SPHKAP: variants seen among roughly 807,000 people sequenced by gnomAD.
SPHKAP encodes the protein A-kinase anchor protein SPHKAP.
In SPHKAP, 67 loss-of-function variants were observed where a neutral mutation model predicts 137.5. That is an observed-to-expected ratio of 0.49 (90% CI 0.40 to 0.60). SPHKAP has a LOEUF of 0.60. SPHKAP is among the 20% of genes least tolerant of loss of function. The pLI, the probability that SPHKAP is intolerant of heterozygous loss-of-function variation, is 0.00. For synonymous variants in SPHKAP, 813 were observed against 785.3 expected, an observed-to-expected ratio of 1.04 and a Z score of -0.59; for missense variants, 2,097 against 2,069.3, an observed-to-expected ratio of 1.01 and a Z score of -0.26.
intron 3 of SPHKAP, among the ~76,000 whole-genome samples, chr2:228,090,983 T>C (rs188693675): frequency 1.6e-4 from 25 of 152,290 alleles, no homozygotes; most frequent in African/African-American, 5.8e-4. Flanking sequence ...GACTAATACA[T>C]ATGGCAGCTG....
At chr2:228,143,047 T>C (rs529346898) in intron 1 of SPHKAP, among the ~76,000 whole-genome samples, 1 of 152,186 alleles carries the variant, frequency 6.6e-6, no homozygotes, top group Admixed American at 6.5e-5. Flanking sequence ...GATATTCAAT[T>C]TGTTATTCTT....
intron 7 of SPHKAP, among the ~76,000 whole-genome samples, chr2:228,014,398 A>G (rs1694489022): frequency 1.3e-5 from 2 of 152,190 alleles, no homozygotes; most frequent in South Asian, 2.1e-4. Context: ...TAATTCTCCA[A>G]ACGACCTAGA....
Position 228,027,427 on chromosome 2 carries a change from AT to A in SPHKAP, c.306+56del. The A allele has an allele frequency of 2.6e-6, 4 of 1,549,042 alleles. No homozygotes were observed. In the Admixed American group the frequency reaches 6.9e-5, roughly 27 times the overall value. ...AAAATGAGCATTATTTACAGATGAA[AT>A]CAAGTTGAATAGTCCTTGTAATGAC... On this transcript the variant is annotated intron_variant, in intron 4 of 11. Transcript: ENST00000392056.
chr2:227,985,192 T>C (rs1037300544), intron 11 of SPHKAP, among the ~76,000 whole-genome samples: 1 of 152,104 alleles, frequency 6.6e-6, no homozygotes, highest in Non-Finnish European at 1.5e-5. Context: ...CTGGAATCTG[T>C]CATAATTTCT....
intron 3 of SPHKAP, among the ~76,000 whole-genome samples, chr2:228,108,422 G>A (rs1698410327): frequency 6.6e-6 from 1 of 151,940 alleles, no homozygotes; most frequent in African/African-American, 2.4e-5. Context: ...TTCAAATAAT[G>A]ACTGTAACAT....
intron 3 of SPHKAP, among the ~76,000 whole-genome samples, chr2:228,108,397 G>GT (rs138790654): frequency 6.6e-6 from 1 of 151,932 alleles, no homozygotes; most frequent in Admixed American, 6.6e-5. Context: ...AGGTTGAAAA[G>GT]TTTTTTTCAA....
intron 1 of SPHKAP, among the ~76,000 whole-genome samples, chr2:228,175,456 G>A (rs748177592): frequency 1.3e-5 from 2 of 152,154 alleles, no homozygotes; most frequent in Non-Finnish European, 2.9e-5. Context: ...CACACTGGAT[G>A]TGAAGTGGTA....
intron 3 of SPHKAP, among the ~76,000 whole-genome samples, chr2:228,048,387 C>A (rs1370911219): frequency 6.6e-6 from 1 of 152,042 alleles, no homozygotes; most frequent in African/African-American, 2.4e-5. Context: ...TACCATTACC[C>A]TTTTCCTCTT....
chr2:228,108,984 C>G (rs532773684), intron 2 of SPHKAP, 45 bp from the exon 3 acceptor site: 1 of 1,254,080 alleles, frequency 8.0e-7, no homozygotes, highest in Non-Finnish European at 1.1e-6. Context: ...GCAATCCTTT[C>G]TATCTAAACA....
chr2:228,020,863 A>G (rs1694816120), intron 6 of SPHKAP, among the ~76,000 whole-genome samples: 1 of 152,212 alleles, frequency 6.6e-6, no homozygotes. Flanking sequence ...ATGGCTTTCC[A>G]TATGGGATAC....
At chr2:228,005,297 A>C (rs1330021766) in intron 7 of SPHKAP, among the ~76,000 whole-genome samples, 2 of 152,014 alleles carry the variant, frequency 1.3e-5, no homozygotes, top group Admixed American at 1.3e-4. Context: ...TGATCCCTTT[A>C]CCATTATGTA....
At chr2:227,990,351 G>T (rs536544842) in intron 11 of SPHKAP, among the ~76,000 whole-genome samples, 21 of 152,296 alleles carry the variant, frequency 1.4e-4, no homozygotes, top group African/African-American at 4.3e-4. Flanking sequence ...CTTTTAAAAC[G>T]AGTCTACTTT....
Position 227,995,555 on chromosome 2 carries a change from G to A in SPHKAP, c.4588C>T (p.Pro1530Ser), listed in dbSNP as rs1417909675. 2 of 1,613,918 alleles carry A rather than the reference G, an allele frequency of 1.2e-6. No homozygotes were observed. Among genetic ancestry groups the A allele is most frequent in the Non-Finnish European group, 1.7e-6 (2 of 1,180,018 alleles). Residue 1530 changes from proline (P) to serine (S), a missense_variant, in exon 8 of 12, where the codon CCA (proline) becomes TCA (serine). Physicochemically the swap from Pro to Ser is moderately conservative, Grantham distance 74. Transcript: ENST00000392056. The stretch of plus-strand genomic sequence containing the variant: ...TGGAGAAAGCTACTTGTGTCATCTG[G>A]GTTGTCTTCCTCATTGGCAAGCTGG... ...WTQLANEEDN[P>S]DDTSSFLQLS...
chr2:228,016,270 T>G (rs1334304604), intron 7 of SPHKAP, 136 bp downstream of exon 7: 1 of 200,358 alleles, frequency 5.0e-6, no homozygotes, highest in South Asian at 1.5e-4. Context: ...CATTAACTCA[T>G]TTTTTTTTTT....
chr2:228,052,143 A>C (rs188465623), intron 3 of SPHKAP, among the ~76,000 whole-genome samples: 71 of 152,230 alleles, frequency 4.7e-4, no homozygotes, highest in Non-Finnish European at 4.4e-5. Context: ...ATTTAATTGA[A>C]GTATTGGAAG....
chr2:228,163,484 C>T lies in SPHKAP; in HGVS notation c.32+18083G>A, dbSNP rs149890754. On this transcript the variant is annotated intron_variant, in intron 1 of 11. Coordinates refer to ENST00000392056, the MANE Select transcript of SPHKAP (RefSeq NM_001142644.2). Reference sequence around the variant, plus strand: ...CTAAGTGACCCACTACCAGCTCCTCCTCCTCATCTTATCTGCATATTCTCT... The same window carrying T: ...CTAAGTGACCCACTACCAGCTCCTCTTCCTCATCTTATCTGCATATTCTCT... Among the ~76,000 whole-genome samples the T allele has an allele frequency of 3.0e-3, 464 of 152,236 alleles. 1 individual carries two copies. Among genetic ancestry groups the T allele is most frequent in the Non-Finnish European group, 5.0e-3 (342 of 68,018 alleles).
At chr2:228,124,638 C>T (rs4641928) in intron 2 of SPHKAP, among the ~76,000 whole-genome samples, 50,076 of 148,654 alleles carry the variant, frequency 0.34, 8,767 homozygotes, top group East Asian at 0.49. Context: ...ATGTAAATGA[C>T]GAGTTAATGG....
chr2:228,113,824 G>T (rs1698609013), intron 2 of SPHKAP, among the ~76,000 whole-genome samples: 1 of 151,872 alleles, frequency 6.6e-6, no homozygotes, highest in Admixed American at 6.6e-5. Context: ...TTCCTCTTTT[G>T]CTCCTCCTCC....
In SPHKAP at chr2:228,017,887, C is replaced by T; in HGVS notation, c.2967G>A (p.Gly989=). Residue 989 remains glycine (G), a synonymous_variant, in exon 7 of 12, where the codon GGG becomes GGA. Transcript: ENST00000392056. ...GAGGCTTGTGTTTCCTCACAGCGGT[C>T]CCGCTCCCCTGGCTCTCTTTCTTCC... ...LKRKKESQGS[G]TAVRKHKPPR... 2 of 1,614,068 alleles carry T rather than the reference C, an allele frequency of 1.2e-6. No homozygotes were observed. Among genetic ancestry groups the T allele is most frequent in the Non-Finnish European group, 1.7e-6 (2 of 1,180,010 alleles).
Sources: gnomAD v4.1 joint callset for allele counts (sites outside exome capture counted in the v4.1 genomes callset) on GRCh38, gnomAD v4.1.1 for gene constraint, MANE v1.5 for transcripts, NCBI Gene and HGNC (gene_info 2026-07-23, HGNC 2026-07-21) for gene names.